Variants in CROCC2 observed in about 807,000 individuals in gnomAD.
CROCC2 encodes ciliary rootlet coiled-coil, rootletin family member 2.
CROCC2 carries 163 observed loss-of-function variants against 177.6 expected under a neutral mutation model. That is an observed-to-expected ratio of 0.92 (90% CI 0.81 to 1.05). The LOEUF is 1.05. Ranked by LOEUF, CROCC2 falls within the 50% of genes least tolerant of loss-of-function variation. The probability of loss-of-function intolerance (pLI) is 0.00; values close to 1 mark genes in which losing one functional copy is unlikely to be tolerated. For missense variants in CROCC2, 1,929 were observed against 1,797.8 expected, an observed-to-expected ratio of 1.07 and a Z score of -1.32; for synonymous variants, 904 against 787.3, an observed-to-expected ratio of 1.15 and a Z score of -2.48.
At chr2:240,945,322 C>T (rs193265022) in intron 14 of CROCC2, among the ~76,000 whole-genome samples, 88 of 152,322 alleles carry the variant, frequency 5.8e-4, no homozygotes, top group Non-Finnish European at 1.1e-3. Flanking sequence ...ACGTGAGCTT[C>T]GGTGTCTATG....
At chr2:240,983,401 C>T in intron 28 of CROCC2, 2 of 1,287,662 alleles carry the variant, frequency 1.6e-6, no homozygotes, top group African/African-American at 1.5e-5. Context: ...CAATCCCTGG[C>T]CCACGCCCAG....
chr2:240,967,861 C>T (rs1450896114), intron 26 of CROCC2, among the ~76,000 whole-genome samples: 1 of 151,892 alleles, frequency 6.6e-6, no homozygotes, highest in Non-Finnish European at 1.5e-5. Flanking sequence ...CCTCGTCACC[C>T]CCTCAGAGAG....
intron 12 of CROCC2, 134 bp from the exon 13 acceptor site, chr2:240,934,782 G>A (rs947939158): frequency 3.0e-6 from 3 of 1,016,492 alleles, no homozygotes; most frequent in African/African-American, 3.4e-5. Context: ...CCACTGTGGC[G>A]ACCTTCCCAC....
Position 240,963,624 on chromosome 2 carries a change from G to A in CROCC2, c.3156G>A (p.Gln1052=). ...TGGCCGCACTGCGCCAGGAGCTGCA[G>A]GGCGTCGAGGAGAGCCGGGAGGGGC... The part of the protein sequence containing the change: ...EGLAALRQEL[Q]GVEESREGLH... Residue 1052 remains glutamine, a synonymous_variant, in exon 21 of 32, where the codon CAG becomes CAA. Coordinates refer to ENST00000690015, the MANE Select transcript of CROCC2 (RefSeq NM_001351305.2). 3 of 1,549,098 alleles carry A rather than the reference G, an allele frequency of 1.9e-6. No individual in the cohort carries two copies. Among genetic ancestry groups the A allele is most frequent in the Non-Finnish European group, 2.6e-6 (3 of 1,146,592 alleles).
At chr2:240,961,094 C>T (rs1252627168) in intron 20 of CROCC2, among the ~76,000 whole-genome samples, 1 of 152,084 alleles carries the variant, frequency 6.6e-6, no homozygotes, top group Non-Finnish European at 1.5e-5. Context: ...ACAAGAGGAA[C>T]AATCACAGAG....
At chr2:240,909,539 G>A (rs867631665) in intron 1 of CROCC2, among the ~76,000 whole-genome samples, 4 of 152,222 alleles carry the variant, frequency 2.6e-5, no homozygotes, top group African/African-American at 2.4e-5. Flanking sequence ...CAGGAAAGCC[G>A]AGGCGTAAGG....
At chr2:240,923,165 C>T (rs2059367679) in intron 4 of CROCC2, among the ~76,000 whole-genome samples, 1 of 152,048 alleles carries the variant, frequency 6.6e-6, no homozygotes, top group Non-Finnish European at 1.5e-5. Context: ...CTGCCATCCT[C>T]CCTGCCACGG....
rs1040610442 is a variant in CROCC2, at chr2:240,933,733, G to T, written c.1527G>T (p.Ala509=). The change falls in exon 11 of 32, where the codon GCG becomes GCT. Residue 509 remains alanine (A), a synonymous_variant. Coordinates refer to ENST00000690015, the MANE Select transcript of CROCC2 (RefSeq NM_001351305.2). ...AAGGGAAGGCAGATGCTGCAGATGC[G>T]GAGAAGCAGGGGCTGGAGGCCGAGG... ...ELKGKADAAD[A]EKQGLEAEAA... The T allele has an allele frequency of 1.3e-6, 2 of 1,550,084 alleles. No individual in the cohort carries two copies.
chr2:240,914,867 G>T (rs6730464), intron 1 of CROCC2, among the ~76,000 whole-genome samples: 65,413 of 152,160 alleles, frequency 0.43, 14,378 homozygotes, highest in Middle Eastern at 0.54. Context: ...CCCTGCTTCA[G>T]ATGGCTTTGA....
chr2:240,949,326 G>A lies in CROCC2; in HGVS notation c.2483-207G>A, dbSNP rs1008675442. 6 of 634,412 alleles carry A rather than the reference G, an allele frequency of 9.5e-6. No individual in the cohort carries two copies. The highest frequency in any genetic ancestry group is 1.2e-5 in the Non-Finnish European group (6 of 509,330). 39.3% of individuals were successfully genotyped at this position (634,412 alleles called of 1,614,324 possible). On this transcript the variant is annotated intron_variant, in intron 16 of 31. Transcript: ENST00000690015. This position sits in a 1 kb window ranked among gnomAD's most constrained non-coding sequence, Gnocchi z 4.5. Reference sequence around the variant, plus strand: ...GTGCCAGCCTGAGGCTTAGAACTGGGCTCTGGCCACAGGGTCAGCATGTAG... The same window carrying A: ...GTGCCAGCCTGAGGCTTAGAACTGGACTCTGGCCACAGGGTCAGCATGTAG...
chr2:240,941,366 A>C (rs749016664), intron 14 of CROCC2, among the ~76,000 whole-genome samples: 5 of 152,238 alleles, frequency 3.3e-5, no homozygotes, highest in African/African-American at 9.6e-5. Flanking sequence ...AAGAAGCCAC[A>C]GAGCCAAAGC....
Position 240,906,407 on chromosome 2 carries a change from C to A in CROCC2, c.-107C>A, listed in dbSNP as rs1393424658. The A allele has an allele frequency of 2.5e-5, 10 of 398,250 alleles. No individual in the cohort carries two copies. The highest frequency in any genetic ancestry group is 4.4e-5 in the Non-Finnish European group (10 of 225,822). The allele number at this position is 398,250 out of a possible 1,614,324, so 24.7% of individuals were successfully genotyped here. On this transcript the variant is annotated 5_prime_UTR_variant, in exon 1 of 32. Coordinates refer to ENST00000690015, the MANE Select transcript of CROCC2 (RefSeq NM_001351305.2). ...GGACACAAGACTGCAGAGCCAGGTG[C>A]CACACAGGTGTGGGGCCCGTGGACC...
At chr2:240,956,570 C>G (rs978781166) in intron 19 of CROCC2, 3 of 153,114 alleles carry the variant, frequency 2.0e-5, no homozygotes, top group African/African-American at 7.2e-5. Context: ...ACAAAGGCTG[C>G]TGCAGGCTGC....
chr2:240,961,572 C>T (rs1396017657), intron 20 of CROCC2, among the ~76,000 whole-genome samples: 3 of 130,736 alleles, frequency 2.3e-5, no homozygotes, highest in East Asian at 4.4e-4. Context: ...CTCACACACT[C>T]ATCACACATA....
Position 240,934,488 on chromosome 2 carries a change from C to A in CROCC2, c.1791+13C>A. ...CGCCCTGGCGCGGGTACACTCTGCT[C>A]CCCACAACCCCGCCCCCTCTCCTGT... On this transcript the variant is annotated intron_variant, in intron 12 of 31. Coordinates refer to ENST00000690015, the MANE Select transcript of CROCC2 (RefSeq NM_001351305.2). 1 of 1,545,154 alleles carries A rather than the reference C, an allele frequency of 6.5e-7. No homozygotes were observed. The highest frequency in any genetic ancestry group is 1.2e-5 in the South Asian group (1 of 83,468).
intron 8 of CROCC2, 108 bp downstream of exon 8, chr2:240,932,522 A>G: frequency 1.4e-6 from 1 of 701,926 alleles, no homozygotes; most frequent in Non-Finnish European, 2.7e-6. Context: ...CCTGCAGGGC[A>G]AGGTGGGGTC....
At chr2:240,963,067 G>T (rs1004197949) in intron 20 of CROCC2, among the ~76,000 whole-genome samples, 3 of 152,186 alleles carry the variant, frequency 2.0e-5, no homozygotes, top group South Asian at 4.1e-4. Context: ...GGGGTCACTG[G>T]GCCAGGGTCA....
chr2:240,966,041 C>G, intron 24 of CROCC2, 48 bp downstream of exon 24: 1 of 1,314,216 alleles, frequency 7.6e-7, no homozygotes, highest in Non-Finnish European at 9.6e-7. Context: ...CAGCTCAGTC[C>G]CTGGCCTGGC....
rs780903290 is a variant in CROCC2, at chr2:240,922,638, G to C, written c.481G>C (p.Glu161Gln). Residue 161 changes from glutamate (E) to glutamine (Q), a missense_variant, in exon 4 of 32, where the codon GAG (glutamate) becomes CAG (glutamine). Around this residue, in one of 3 missense-constraint regions of CROCC2, gnomAD observed 1,397 missense variants for 1,239.9 expected, o/e 1.13. Coordinates refer to ENST00000690015, the MANE Select transcript of CROCC2 (RefSeq NM_001351305.2). ...GGCCCTTGGCCGTCTGGAGGCTGCC[G>C]AGGAGAGGTGAGGCCAGGTGCGGGG... Reference protein sequence around the residue: ...EEALGRLEAAEERSTGLCQVN... With the variant: ...EEALGRLEAAQERSTGLCQVN... The C allele has an allele frequency of 7.7e-6, 5 of 647,652 alleles. No individual in the cohort carries two copies. Among genetic ancestry groups the C allele is most frequent in the Non-Finnish European group, 8.6e-6 (3 of 348,388 alleles). 40.1% of individuals were successfully genotyped at this position (647,652 alleles called of 1,614,324 possible). A position where few individuals can be genotyped will look rare whatever the true frequency, so the allele number is the denominator to read the frequency against.
Sources: gnomAD v4.1 joint callset for allele counts (sites outside exome capture counted in the v4.1 genomes callset) on GRCh38, gnomAD v4.1.1 for gene constraint, gnomAD v4.1.1 regional missense constraint, Gnocchi (gnomAD v3.1) non-coding constraint, MANE v1.5 for transcripts, NCBI Gene and HGNC (gene_info 2026-07-23, HGNC 2026-07-21) for gene names.